Variants in HSPBP1 observed in about 807,000 individuals in gnomAD.
HSPBP1 encodes the protein hsp70-binding protein 1.
A neutral mutation model predicts 41.7 loss-of-function variants in HSPBP1; 31 were observed. The observed-to-expected ratio is 0.74, with a 90% CI of 0.56 to 1.00. The LOEUF is 1.00. Ranked by LOEUF, HSPBP1 falls within the 50% of genes least tolerant of loss-of-function variation. The probability of loss-of-function intolerance (pLI) is 0.00; values close to 1 mark genes in which losing one functional copy is unlikely to be tolerated. For synonymous variants in HSPBP1, 199 were observed against 214.4 expected (o/e 0.93, Z 0.63); for missense variants, 439 against 487.9 (o/e 0.90, Z 0.94).
intron 4 of HSPBP1, among the ~76,000 whole-genome samples, chr19:55,271,601 C>T (rs1002482465): frequency 6.6e-6 from 1 of 152,170 alleles, no homozygotes; most frequent in African/African-American, 2.4e-5. Flanking sequence ...CCCAAACCCT[C>T]CCTGTTCTCC....
rs564866766 is a variant in HSPBP1, at chr19:55,268,146, G to A, written c.641-1860C>T. Among the ~76,000 whole-genome samples, 48 of 152,180 alleles carry A rather than the reference G, an allele frequency of 3.2e-4. No homozygotes were observed. Among genetic ancestry groups the A allele is most frequent in the African/African-American group, 1.0e-3 (42 of 41,534 alleles). On this transcript the variant is annotated intron_variant, in intron 4 of 7. Coordinates refer to ENST00000433386, the MANE Select transcript of HSPBP1 (RefSeq NM_012267.5). This position sits in a 1 kb window ranked among gnomAD's most constrained non-coding sequence, Gnocchi z 4.5. Reference sequence around the variant, plus strand: ...TAAAATATTTTCCATTAAACACAACGTTGGCTGGGCGCGGTGGCTCATGCC... The same window carrying A: ...TAAAATATTTTCCATTAAACACAACATTGGCTGGGCGCGGTGGCTCATGCC...
Position 55,262,223 on chromosome 19 carries a change from T to G in HSPBP1, c.*385A>C. On this transcript the variant is annotated 3_prime_UTR_variant, in exon 8 of 8. Transcript: ENST00000433386. ...AAGAGTAAATGACACAATGGCTCTA[T>G]AGATGATAAAGAGCAACACTTTTAT... 3.5e-6 allele frequency: 1 copy of G among 286,260 alleles called. No homozygotes were observed. Among genetic ancestry groups the G allele is most frequent in the Admixed American group, 6.1e-5 (1 of 16,440 alleles). The allele number at this position is 286,260 out of a possible 1,614,324, so 17.7% of individuals were successfully genotyped here.
At position 55,262,548 on chromosome 19, in the gene HSPBP1, G is replaced by T; in HGVS notation, c.*60C>A. The stretch of plus-strand genomic sequence containing the variant: ...TCCCTTGGGAGAGGGCCTTGTAGGT[G>T]GGGAGGGAGGCAAGAGGCCTGGGGT... On this transcript the variant is annotated 3_prime_UTR_variant, in exon 8 of 8. Coordinates refer to ENST00000433386, the MANE Select transcript of HSPBP1 (RefSeq NM_012267.5). 2 of 1,599,276 alleles carry T rather than the reference G, an allele frequency of 1.3e-6. No individual in the cohort carries two copies. The highest frequency in any genetic ancestry group is 1.1e-5 in the South Asian group (1 of 88,702).
chr19:55,266,059 C>T (rs932722705), intron 5 of HSPBP1, 72 bp downstream of exon 5: 37 of 1,564,950 alleles, frequency 2.4e-5, no homozygotes, highest in Non-Finnish European at 3.2e-5. Context: ...CTGTTCCTCC[C>T]CTTCTCCCAC....
chr19:55,279,155 C>G (rs960676354), intron 2 of HSPBP1, among the ~76,000 whole-genome samples: 5 of 152,138 alleles, frequency 3.3e-5, no homozygotes, highest in African/African-American at 1.2e-4. Context: ...GCTGGAAATG[C>G]TGAATCCAGG....
At position 55,270,967 on chromosome 19, in the gene HSPBP1, C is replaced by A. The variant is rs1400184379; in HGVS notation, c.640+3431G>T. 9.3e-5 allele frequency among the ~76,000 whole-genome samples: 14 copies of A among 151,186 alleles called. 1 individual carries two copies. In the East Asian group the frequency reaches 2.7e-3, roughly 29 times the overall value. ...CACTAACACACGACACGCCAAACAC[C>A]CCACATACACACCATACACACCCTA... On this transcript the variant is annotated intron_variant, in intron 4 of 7. Transcript: ENST00000433386. The surrounding 1 kb of genome is among the most constrained non-coding windows in gnomAD (Gnocchi z 5.4).
chr19:55,279,478 T>C lies in HSPBP1; in HGVS notation c.131A>G (p.Asn44Ser), dbSNP rs373447179. 2 of 1,607,286 alleles carry C rather than the reference T, an allele frequency of 1.2e-6. No individual in the cohort carries two copies. Among genetic ancestry groups the C allele is most frequent in the African/African-American group, 2.7e-5 (2 of 74,150 alleles). ...GGSGNSRPPR[N>S]LQGLLQMAIT... ...GGCCATCTGCAGCAAGCCTTGGAGGTTGCGTGGGGGCCGGGAATTGCCCGA... is the reference window on the plus strand; with the variant it reads ...GGCCATCTGCAGCAAGCCTTGGAGGCTGCGTGGGGGCCGGGAATTGCCCGA... The change falls in exon 2 of 8, where the codon AAC (asparagine) becomes AGC (serine). Residue 44 changes from asparagine (N) to serine (S), a missense_variant. Asn to Ser is a conservative substitution (Grantham distance 46, BLOSUM62 1). Coordinates refer to ENST00000433386, the MANE Select transcript of HSPBP1 (RefSeq NM_012267.5).
intron 4 of HSPBP1, among the ~76,000 whole-genome samples, chr19:55,271,675 G>A (rs1488251880): frequency 2.0e-5 from 3 of 152,170 alleles, no homozygotes; most frequent in Admixed American, 2.0e-4. Flanking sequence ...CCAGGACTCA[G>A]GATACATGGG....
At chr19:55,267,428 G>A (rs2087816456) in intron 4 of HSPBP1, among the ~76,000 whole-genome samples, 1 of 151,536 alleles carries the variant, frequency 6.6e-6, no homozygotes, top group Non-Finnish European at 1.5e-5. Context: ...TGGGATTACA[G>A]GCATGAGCCA....
Position 55,277,592 on chromosome 19 carries a change from G to A in HSPBP1, c.415+50C>T, listed in dbSNP as rs147842942. The A allele has an allele frequency of 1.3e-3, 2,053 of 1,540,342 alleles. 4 individuals carry two copies. The highest frequency in any genetic ancestry group is 1.5e-3 in the Non-Finnish European group (1,713 of 1,131,734). ...GAGTAGGGGCAAGAGCTGAGAGGCAGCAGGACATGTACAGAGGGGCAGAAC... is the reference window on the plus strand; with the variant it reads ...GAGTAGGGGCAAGAGCTGAGAGGCAACAGGACATGTACAGAGGGGCAGAAC... On this transcript the variant is annotated intron_variant, in intron 3 of 7. Transcript: ENST00000433386.
intron 1 of HSPBP1, 117 bp from the exon 2 acceptor site, chr19:55,279,819 TC>T: frequency 8.6e-7 from 1 of 1,168,990 alleles, no homozygotes; most frequent in Admixed American, 2.3e-5. Context: ...ACAGGACCCT[TC>T]CCCAAAGTCA....
rs2087748469 is a variant in HSPBP1 at position 55,265,370 on chromosome 19, G to GCTTT, written c.912_913insAAAG (p.Gln305LysfsTer29). On this transcript the variant is annotated frameshift_variant, in exon 7 of 8. Coordinates refer to ENST00000433386, the MANE Select transcript of HSPBP1 (RefSeq NM_012267.5). LOFTEE classifies it high-confidence loss of function. The stretch of plus-strand genomic sequence containing the variant: ...GGCTCCCGACACTCGCGCACACCCT[G>GCTTT]CGGAAAGTCTGTCACCAGGCTGTGA... 6.2e-7 allele frequency: 1 copy of GCTTT among 1,613,348 alleles called. No individual in the cohort carries two copies. The highest frequency in any genetic ancestry group is 8.5e-7 in the Non-Finnish European group (1 of 1,179,862).
At chr19:55,278,682 G>A (rs916344466) in intron 2 of HSPBP1, among the ~76,000 whole-genome samples, 4 of 152,040 alleles carry the variant, frequency 2.6e-5, no homozygotes, top group African/African-American at 4.8e-5. Context: ...GGGAGGCCGA[G>A]GCAGGTGGAT....
At chr19:55,265,811 G>T in intron 6 of HSPBP1, 75 bp downstream of exon 6, 1 of 982,694 alleles carries the variant, frequency 1.0e-6, no homozygotes, top group Non-Finnish European at 1.5e-6. Flanking sequence ...CCTACGGGCT[G>T]ATTCCTGAGC....
chr19:55,274,345 G>GACCCCCCCC, intron 4 of HSPBP1, 53 bp downstream of exon 4: 1 of 552,676 alleles, frequency 1.8e-6, no homozygotes, highest in Non-Finnish European at 3.1e-6. Flanking sequence ...GGCCCACCCG[G>GACCCCCCCC]CACCCCCCCC....
At position 55,277,724 on chromosome 19, in the gene HSPBP1, G is replaced by C; in HGVS notation, c.333C>G (p.Ala111=). The change falls in exon 3 of 8, where the codon GCC becomes GCG. Residue 111 remains alanine (A), a synonymous_variant. Coordinates refer to ENST00000433386, the MANE Select transcript of HSPBP1 (RefSeq NM_012267.5). ...SQPMPPTAGE[A]EQAADQQERE... is the part of the protein sequence containing the mutation. ...GCTCTTGCTGGTCGGCCGCCTGCTC[G>C]GCCTCCCCAGCAGTGGGGGGCATGG... The C allele has an allele frequency of 6.2e-7, 1 of 1,606,496 alleles. No individual in the cohort carries two copies. The highest frequency in any genetic ancestry group is 8.5e-7 in the Non-Finnish European group (1 of 1,177,132).
At chr19:55,269,470 T>C (rs754802462) in intron 4 of HSPBP1, among the ~76,000 whole-genome samples, 32 of 152,062 alleles carry the variant, frequency 2.1e-4, no homozygotes, top group Non-Finnish European at 4.6e-4. Context: ...ATGGCTGCCG[T>C]CATTTTTGGA....
chr19:55,274,445 CG>C lies in HSPBP1; in HGVS notation c.592del (p.Arg198AlafsTer38), dbSNP rs768939458. On this transcript the variant is annotated frameshift_variant, in exon 4 of 8. Transcript: ENST00000433386. LOFTEE classifies it high-confidence loss of function. ...ALRKLLRLLD[R>X]DACDTVRVKA... ...GACGCGCACCGTGTCGCAGGCGTCG[CG>C]GTCCAGCAGCCGCAGCAGCTTACGC... 6.3e-7 allele frequency: 1 copy of C among 1,585,390 alleles called. No homozygotes were observed. The highest frequency in any genetic ancestry group is 8.5e-7 in the Non-Finnish European group (1 of 1,170,724).
intron 1 of HSPBP1, 69 bp from the exon 2 acceptor site, chr19:55,279,771 C>A: frequency 6.7e-7 from 1 of 1,500,366 alleles, no homozygotes; most frequent in Non-Finnish European, 9.0e-7. Flanking sequence ...CTGCCCCCAG[C>A]CCACTTAACC....
Sources: gnomAD v4.1 joint callset for allele counts (sites outside exome capture counted in the v4.1 genomes callset) on GRCh38, gnomAD v4.1.1 for gene constraint, Gnocchi (gnomAD v3.1) non-coding constraint, MANE v1.5 for transcripts, NCBI Gene and HGNC (gene_info 2026-07-23, HGNC 2026-07-21) for gene names.